Variants in CPVL observed in about 807,000 individuals in gnomAD.
CPVL encodes the protein carboxypeptidase vitellogenic like, also known as probable serine carboxypeptidase CPVL.
CPVL carries 51 observed loss-of-function variants against 63.7 expected under a neutral mutation model. The observed-to-expected ratio is 0.80, with a 90% CI of 0.64 to 1.01. CPVL has a LOEUF of 1.01. CPVL is among the 50% of genes least tolerant of loss of function. The pLI, the probability that CPVL is intolerant of heterozygous loss-of-function variation, is 0.00. For missense variants in CPVL, 530 were observed against 573.1 expected (o/e 0.92, Z 0.77); for synonymous variants, 195 against 206.0 (o/e 0.95, Z 0.46).
At chr7:29,045,183 A>T (rs1292616804) in intron 11 of CPVL, among the ~76,000 whole-genome samples, 1 of 152,252 alleles carries the variant, frequency 6.6e-6, no homozygotes, top group Admixed American at 6.5e-5. Flanking sequence ...AGATGTCGAA[A>T]GCATGGCAAG....
intron 3 of CPVL, among the ~76,000 whole-genome samples, chr7:29,111,686 G>A (rs1260236173): frequency 6.6e-6 from 1 of 152,168 alleles, no homozygotes; most frequent in African/African-American, 2.4e-5. Context: ...AACTATGTCA[G>A]AGGCCATGTA....
At chr7:29,178,124 T>C (rs541901741) in intron 5 of CPVL, among the ~76,000 whole-genome samples, 1 of 152,296 alleles carries the variant, frequency 6.6e-6, no homozygotes, top group African/African-American at 2.4e-5. Context: ...TCTCCACTGC[T>C]ACTATCCTCT....
Position 29,152,792 on chromosome 7 carries a change from T to G in CPVL, c.-11+28498A>C, listed in dbSNP as rs146898646. On this transcript the variant is annotated intron_variant, in intron 5 of 16. Transcript: ENST00000409850. ...ATTGTTAAGTTTCTCTCAGTAAATT[T>G]TGACAAGAAACAGGCAAGCAAAACA... Among the ~76,000 whole-genome samples, 509 of 152,346 alleles carry G rather than the reference T, an allele frequency of 3.3e-3. 1 individual carries two copies. The highest frequency in any genetic ancestry group is 5.1e-3 in the Non-Finnish European group (344 of 68,022).
intron 5 of CPVL, among the ~76,000 whole-genome samples, chr7:29,176,737 A>G (rs1269291617): frequency 6.6e-6 from 1 of 152,226 alleles, no homozygotes; most frequent in Non-Finnish European, 1.5e-5. Flanking sequence ...AGTATAAAAC[A>G]ACAAATAATG....
At chr7:29,110,136 A>C (rs1020554983) in intron 3 of CPVL, among the ~76,000 whole-genome samples, 1 of 152,210 alleles carries the variant, frequency 6.6e-6, no homozygotes, top group Non-Finnish European at 1.5e-5. Flanking sequence ...CAACATTCAG[A>C]GGGTAACAAG....
intron 7 of CPVL, among the ~76,000 whole-genome samples, chr7:29,077,216 T>C (rs1784324600): frequency 6.6e-6 from 1 of 152,160 alleles, no homozygotes; most frequent in Admixed American, 6.5e-5. Context: ...GGAAACAATG[T>C]CCTCTTACAG....
chr7:29,123,137 C>T lies in CPVL; in HGVS notation c.-10-2066G>A, dbSNP rs13240057. On this transcript the variant is annotated intron_variant, in intron 1 of 12. Coordinates refer to ENST00000265394, the MANE Select transcript of CPVL (RefSeq NM_031311.5). ...GCTTTAAAATGCCAAGCCATTAGAA[C>T]ATCTTAAAAATACAAAACGTGTAAA... Among the ~76,000 whole-genome samples, 1,508 of 152,270 alleles carry T rather than the reference C, an allele frequency of 9.9e-3. 13 individuals carry two copies. The highest frequency in any genetic ancestry group is 0.015 in the Non-Finnish European group (1,051 of 68,010).
chr7:29,075,927 C>G (rs951439338), intron 7 of CPVL, among the ~76,000 whole-genome samples: 2 of 133,866 alleles, frequency 1.5e-5, no homozygotes, highest in African/African-American at 5.6e-5. Context: ...AATAAAATTT[C>G]AGTTATTTTC....
intron 1 of CPVL, 89 bp downstream of exon 1, chr7:29,146,340 C>T (rs576660849): frequency 1.6e-5 from 8 of 506,924 alleles, no homozygotes; most frequent in African/African-American, 5.8e-5. Flanking sequence ...TTTGAGACTA[C>T]CTGCCCCGCG....
At chr7:29,133,922 T>C (rs1269080093) in intron 1 of CPVL, among the ~76,000 whole-genome samples, 1 of 152,202 alleles carries the variant, frequency 6.6e-6, no homozygotes, top group Non-Finnish European at 1.5e-5. Flanking sequence ...AAGTAAAGTA[T>C]GGGGCTGAAA....
intron 9 of CPVL, among the ~76,000 whole-genome samples, chr7:29,069,905 T>C (rs1783576951): frequency 6.6e-6 from 1 of 151,674 alleles, no homozygotes; most frequent in Non-Finnish European, 1.5e-5. Flanking sequence ...CTTTGATTAA[T>C]TAAATCATTT....
At chr7:29,161,621 A>C (rs1795187286) in intron 5 of CPVL, among the ~76,000 whole-genome samples, 1 of 152,178 alleles carries the variant, frequency 6.6e-6, no homozygotes, top group African/African-American at 2.4e-5. Flanking sequence ...GTAGGTAACC[A>C]CGATGGGTAG....
At chr7:29,038,082 T>TG (rs1314635849) in intron 11 of CPVL, among the ~76,000 whole-genome samples, 2 of 152,208 alleles carry the variant, frequency 1.3e-5, no homozygotes, top group African/African-American at 4.8e-5. Context: ...GTTGGCTGTG[T>TG]GAGGCTTGCA....
chr7:29,046,414 C>G (rs1214173522), intron 11 of CPVL, among the ~76,000 whole-genome samples: 1 of 152,060 alleles, frequency 6.6e-6, no homozygotes. Context: ...CATATTAAGC[C>G]CTACCCAAAG....
intron 1 of CPVL, chr7:29,194,236 G>C (rs907788554): frequency 1.4e-5 from 2 of 146,906 alleles, no homozygotes; most frequent in Admixed American, 1.4e-4. Context: ...GCAGCGCTGC[G>C]CGCAGCAGCC....
chr7:29,060,702 G>A (rs753567838), intron 11 of CPVL, among the ~76,000 whole-genome samples: 3 of 152,170 alleles, frequency 2.0e-5, no homozygotes, highest in Non-Finnish European at 4.4e-5. Context: ...ACATGAAAAC[G>A]TAATTCCAGA....
At chr7:29,119,485 C>CAAAAAA (rs372819031) in intron 2 of CPVL, among the ~76,000 whole-genome samples, 2 of 101,382 alleles carry the variant, frequency 2.0e-5, no homozygotes, top group Non-Finnish European at 3.9e-5. Context: ...GATTCTGTCT[C>CAAAAAA]AAAAAAAAAA....
intron 12 of CPVL, among the ~76,000 whole-genome samples, chr7:29,007,811 A>G (rs1785351263): frequency 6.6e-6 from 1 of 152,190 alleles, no homozygotes; most frequent in Non-Finnish European, 1.5e-5. Context: ...GGAATGAGGT[A>G]GAGGCCGATT....
At chr7:29,076,476 A>T (rs1039622106) in intron 7 of CPVL, among the ~76,000 whole-genome samples, 1 of 152,214 alleles carries the variant, frequency 6.6e-6, no homozygotes, top group African/African-American at 2.4e-5. Context: ...AACTGAACAC[A>T]TATTATTTTA....
Sources: gnomAD v4.1 joint callset for allele counts (sites outside exome capture counted in the v4.1 genomes callset) on GRCh38, gnomAD v4.1.1 for gene constraint, MANE v1.5 for transcripts, NCBI Gene and HGNC (gene_info 2026-07-23, HGNC 2026-07-21) for gene names.